The following NFE2L2 variants were observed in gnomAD, a reference collection of about 807,000 sequenced individuals.
The protein encoded by NFE2L2 is NFE2 like bZIP transcription factor 2.
NFE2L2 carries 20 observed loss-of-function variants against 49.6 expected under a neutral mutation model. The observed-to-expected ratio is 0.40, with a 90% CI of 0.28 to 0.59. The LOEUF (loss-of-function observed/expected upper bound fraction) is 0.59. Ranked by LOEUF, NFE2L2 falls within the 20% of genes least tolerant of loss-of-function variation. NFE2L2 has a pLI of 0.40. For missense variants in NFE2L2, 578 were observed against 714.2 expected, an observed-to-expected ratio of 0.81 and a Z score of 2.17; for synonymous variants, 244 against 256.5, an observed-to-expected ratio of 0.95 and a Z score of 0.47.
intron 1 of NFE2L2, among the ~76,000 whole-genome samples, chr2:177,247,879 G>A (rs965100532): frequency 3.9e-5 from 6 of 152,072 alleles, no homozygotes; most frequent in Non-Finnish European, 7.4e-5. Context: ...AGATAAGACC[G>A]AGGCTGGGCA....
chr2:177,263,844 C>T, intron 1 of NFE2L2: 1 of 985,516 alleles, frequency 1.0e-6, no homozygotes, highest in Non-Finnish European at 1.2e-6. Flanking sequence ...GCTTCTGAGC[C>T]CGCTGGGCAC....
chr2:177,263,650 C>G, intron 1 of NFE2L2: 1 of 985,474 alleles, frequency 1.0e-6, no homozygotes, highest in Non-Finnish European at 1.2e-6. Context: ...GCGCGGTGAG[C>G]GCCACCAGGG....
chr2:177,234,473 C>A (rs1689672112), intron 1 of NFE2L2, among the ~76,000 whole-genome samples: 1 of 152,206 alleles, frequency 6.6e-6, no homozygotes, highest in African/African-American at 2.4e-5. Context: ...AGACAACAAA[C>A]AACCTACAAA....
chr2:177,242,097 A>G (rs1689955390), intron 1 of NFE2L2, among the ~76,000 whole-genome samples: 1 of 152,190 alleles, frequency 6.6e-6, no homozygotes, highest in Non-Finnish European at 1.5e-5. Context: ...CATTCTTTCT[A>G]TTTCCCACAT....
intron 1 of NFE2L2, among the ~76,000 whole-genome samples, chr2:177,236,899 A>T (rs995373464): frequency 6.6e-6 from 1 of 151,582 alleles, no homozygotes; most frequent in African/African-American, 2.4e-5. Flanking sequence ...ATAGGGTCTC[A>T]CTCTGTCACC....
At chr2:177,251,108 T>C (rs572720031) in intron 1 of NFE2L2, among the ~76,000 whole-genome samples, 59 of 152,350 alleles carry the variant, frequency 3.9e-4, no homozygotes, top group African/African-American at 1.3e-3. Flanking sequence ...ATGTATCAGC[T>C]GTGCATGGCA....
chr2:177,254,512 C>G (rs1690448807), intron 1 of NFE2L2, among the ~76,000 whole-genome samples: 1 of 152,212 alleles, frequency 6.6e-6, no homozygotes, highest in East Asian at 1.9e-4. Context: ...GGTTGTATCA[C>G]CCAGGAGCAT....
intron 1 of NFE2L2, among the ~76,000 whole-genome samples, chr2:177,241,205 T>C (rs2105468943): frequency 6.6e-6 from 1 of 152,380 alleles, no homozygotes; most frequent in African/African-American, 2.4e-5. Context: ...TTGGAATGTC[T>C]TAAGTTATTC....
intron 1 of NFE2L2, among the ~76,000 whole-genome samples, chr2:177,251,895 A>C (rs1252778541): frequency 6.6e-6 from 1 of 150,856 alleles, no homozygotes; most frequent in Non-Finnish European, 1.5e-5. Flanking sequence ...AGTCCCAGCT[A>C]CTCAGGAGGC....
chr2:177,264,344 G>A (rs1469446578), intron 1 of NFE2L2, 188 bp downstream of exon 1: 22 of 540,544 alleles, frequency 4.1e-5, no homozygotes, highest in Non-Finnish European at 1.8e-5. Context: ...GGATCACCCG[G>A]CCGCGTCCCC....
chr2:177,249,689 GCAAC>G, intron 1 of NFE2L2, among the ~76,000 whole-genome samples: 1 of 152,148 alleles, frequency 6.6e-6, no homozygotes, highest in East Asian at 1.9e-4. Flanking sequence ...ATTTTAACAT[GCAAC>G]CAAAATAAGA....
chr2:177,232,988 T>C, intron 3 of NFE2L2: 1 of 514,672 alleles, frequency 1.9e-6, no homozygotes, highest in Non-Finnish European at 3.4e-6. Flanking sequence ...TTTCCATGGT[T>C]ATGCTGTCCA....
At chr2:177,246,808 C>T (rs1360296662) in intron 1 of NFE2L2, among the ~76,000 whole-genome samples, 3 of 125,122 alleles carry the variant, frequency 2.4e-5, no homozygotes, top group South Asian at 2.5e-4. Flanking sequence ...GACAGGGTCT[C>T]ACTATGTTGC....
In NFE2L2 at chr2:177,232,565, G is replaced by C; in HGVS notation, c.421C>G (p.Gln141Glu). ...CCGGGAATATCAGGAACAAGTGACT[G>C]AAACGTAGCCGAAGAAACCTAAAAT... is the stretch of plus-strand genomic sequence containing the variant. The part of the protein sequence containing the change: ...DDNEVSSATF[Q>E]SLVPDIPGHI... The change falls in exon 4 of 5, where the codon CAG becomes GAG. Residue 141 changes from glutamine to glutamate, a missense_variant. Gln to Glu is a conservative substitution (Grantham distance 29). This residue lies in a region of NFE2L2 where 368 missense variants were observed against 384.6 expected (regional missense o/e 0.96). Transcript: ENST00000397062. 1 of 1,613,886 alleles carries C rather than the reference G, an allele frequency of 6.2e-7. No homozygotes were observed. The highest frequency in any genetic ancestry group is 8.5e-7 in the Non-Finnish European group (1 of 1,179,820).
intron 1 of NFE2L2, among the ~76,000 whole-genome samples, chr2:177,238,274 C>T (rs1418041421): frequency 1.3e-5 from 2 of 152,164 alleles, no homozygotes; most frequent in African/African-American, 4.8e-5. Context: ...AGGTTGCAAA[C>T]ATCTTCTGCT....
chr2:177,250,342 A>G (rs575886866), intron 1 of NFE2L2, among the ~76,000 whole-genome samples: 21 of 152,352 alleles, frequency 1.4e-4, no homozygotes, highest in South Asian at 1.0e-3. Flanking sequence ...TTTCACATGT[A>G]TGAACCCACT....
chr2:177,258,376 G>C (rs1225503691), intron 1 of NFE2L2, among the ~76,000 whole-genome samples: 1 of 152,178 alleles, frequency 6.6e-6, no homozygotes, highest in Non-Finnish European at 1.5e-5. Flanking sequence ...CCATTTACAT[G>C]ATATGTCCAG....
At chr2:177,244,573 G>A (rs1438070271) in intron 1 of NFE2L2, among the ~76,000 whole-genome samples, 6 of 152,194 alleles carry the variant, frequency 3.9e-5, no homozygotes, top group Non-Finnish European at 5.9e-5. Context: ...AAGAGGTAAC[G>A]ACTGCCACAA....
At chr2:177,248,421 T>C (rs1200377557) in intron 1 of NFE2L2, among the ~76,000 whole-genome samples, 1 of 152,224 alleles carries the variant, frequency 6.6e-6, no homozygotes, top group African/African-American at 2.4e-5. Flanking sequence ...TGTTTCTTTT[T>C]TTTTTGAGAC....
Sources: gnomAD v4.1 joint callset for allele counts (sites outside exome capture counted in the v4.1 genomes callset) on GRCh38, gnomAD v4.1.1 for gene constraint, gnomAD v4.1.1 regional missense constraint, MANE v1.5 for transcripts, NCBI Gene and HGNC (gene_info 2026-07-23, HGNC 2026-07-21) for gene names.